The following FRZB variants were observed in gnomAD, a reference collection of about 807,000 sequenced individuals.
FRZB encodes secreted frizzled-related protein 3.
In FRZB, 34 loss-of-function variants were observed where a neutral mutation model predicts 32.5. The ratio of observed to expected loss-of-function variants is 1.05; its 90% CI spans 0.80 to 1.39. The LOEUF is 1.39. FRZB is among the 40% of genes most tolerant of loss of function. FRZB has a pLI of 0.00. For missense variants in FRZB, 423 were observed against 424.8 expected (o/e 1.00, Z 0.04); for synonymous variants, 170 against 159.2 (o/e 1.07, Z -0.51).
At chr2:182,850,835 C>G (rs566319505) in intron 2 of FRZB, among the ~76,000 whole-genome samples, 194 of 152,258 alleles carry the variant, frequency 1.3e-3, no homozygotes, top group Admixed American at 3.7e-3. Flanking sequence ...AATTTACATT[C>G]CCACCAACAG....
chr2:182,838,509 C>T lies in FRZB; in HGVS notation c.697G>A (p.Asp233Asn). 6.2e-7 allele frequency: 1 copy of T among 1,612,888 alleles called. No homozygotes were observed. Among genetic ancestry groups the T allele is most frequent in the East Asian group, 2.2e-5 (1 of 44,854 alleles). The change falls in exon 4 of 6, where the codon GAC (aspartate) becomes AAC (asparagine). Residue 233 changes from aspartate to asparagine, a missense_variant. Physicochemically the swap from Asp to Asn is conservative, Grantham distance 23. Transcript: ENST00000295113. ...GAGCTGGTATAGAGGTTGACAGTGT[C>T]CCGTGGAATGTTTACCAGAGAGGAC... ...LKSSLVNIPRDTVNLYTSSGC... is the reference protein window; with the variant it reads ...LKSSLVNIPRNTVNLYTSSGC...
chr2:182,846,835 G>A (rs1377865232), intron 2 of FRZB, among the ~76,000 whole-genome samples: 1 of 152,124 alleles, frequency 6.6e-6, no homozygotes, highest in African/African-American at 2.4e-5. Flanking sequence ...ATTTTTAACA[G>A]TTCCATAATT....
chr2:182,844,959 C>T (rs1419182179), intron 2 of FRZB, among the ~76,000 whole-genome samples: 1 of 152,068 alleles, frequency 6.6e-6, no homozygotes, highest in East Asian at 1.9e-4. Flanking sequence ...ATGTCCCAAT[C>T]CCTAGCTCTT....
At position 182,837,960 on chromosome 2, in the gene FRZB, A is replaced by G; in HGVS notation, c.849T>C (p.Gly283=). The G allele has an allele frequency of 1.2e-6, 2 of 1,611,832 alleles. No homozygotes were observed. Among genetic ancestry groups the G allele is most frequent in the Non-Finnish European group, 1.7e-6 (2 of 1,178,572 alleles). The change falls in exon 5 of 6, where the codon GGT becomes GGC. Residue 283 remains glycine, a synonymous_variant. Coordinates refer to ENST00000295113, the MANE Select transcript of FRZB (RefSeq NM_001463.4). ...SIAEKWKDRL[G]KKVKRWDMKL... ...AATACAGGCTTACCTTAACTTTTTT[A>G]CCGAGTCGATCCTTCCACTTCTCAG...
At chr2:182,840,913 G>T (rs1695579470) in intron 3 of FRZB, among the ~76,000 whole-genome samples, 3 of 151,914 alleles carry the variant, frequency 2.0e-5, no homozygotes, top group Admixed American at 2.0e-4. Flanking sequence ...TTGATAATAG[G>T]ATACATAAAT....
intron 2 of FRZB, among the ~76,000 whole-genome samples, chr2:182,857,564 C>T (rs1695783538): frequency 6.7e-6 from 1 of 150,224 alleles, no homozygotes; most frequent in Non-Finnish European, 1.5e-5. Flanking sequence ...TTGTGGTGAG[C>T]TGAGATTGCA....
chr2:182,859,104 A>G (rs1203752117), intron 1 of FRZB, among the ~76,000 whole-genome samples: 2 of 152,112 alleles, frequency 1.3e-5, no homozygotes, highest in East Asian at 3.8e-4. Context: ...TTTGAATTTC[A>G]CAAAATTTGT....
Position 182,866,531 on chromosome 2 carries a change from C to G in FRZB, c.22G>C (p.Gly8Arg). Residue 8 changes from glycine (G) to arginine (R), a missense_variant, in exon 1 of 6, where the codon GGG becomes CGG. By Grantham distance (125) the Gly-to-Arg change is moderately radical. Transcript: ENST00000295113. This position sits in a 1 kb window ranked among gnomAD's most constrained non-coding sequence, Gnocchi z 4.5. ...AGCCCGGCCCGCAGCAGCAGCATCC[C>G]TCCCGGGCTGCCGCAGACCATGATC... is the stretch of plus-strand genomic sequence containing the variant. MVCGSPG[G>R]MLLLRAGLLA... The G allele has an allele frequency of 6.8e-7, 1 of 1,469,662 alleles. No individual in the cohort carries two copies. The highest frequency in any genetic ancestry group is 9.0e-7 in the Non-Finnish European group (1 of 1,112,500). The allele number at this position is 1,469,662 out of a possible 1,614,324, so 91.0% of individuals were successfully genotyped here.
At chr2:182,836,088 A>G (rs948656528) in intron 5 of FRZB, among the ~76,000 whole-genome samples, 1 of 152,050 alleles carries the variant, frequency 6.6e-6, no homozygotes, top group African/African-American at 2.4e-5. Flanking sequence ...TTACTCCACA[A>G]TCTTGTCTTC....
chr2:182,836,300 CT>C (rs1559045690), intron 5 of FRZB, among the ~76,000 whole-genome samples: 3 of 152,098 alleles, frequency 2.0e-5, no homozygotes, highest in East Asian at 3.9e-4. Flanking sequence ...CCATAAAACT[CT>C]TTTTACACAT....
chr2:182,853,364 T>C (rs1371239001), intron 2 of FRZB, among the ~76,000 whole-genome samples: 1 of 152,186 alleles, frequency 6.6e-6, no homozygotes, highest in Non-Finnish European at 1.5e-5. Flanking sequence ...TTGGAACAAA[T>C]TGGTAACATA....
chr2:182,856,359 C>CGT lies in FRZB; in HGVS notation c.526+2425_526+2426dup, dbSNP rs200528788. On this transcript the variant is annotated intron_variant, in intron 2 of 5. Transcript: ENST00000295113. ...TGAGGATATATATATATCTCACATA[C>CGT]GTGTGTGTGTGTGAGAGAGAGAGAG... Among the ~76,000 whole-genome samples, 833 of 151,672 alleles carry CGT rather than the reference C, an allele frequency of 5.5e-3. 6 individuals are homozygous for CGT. Among genetic ancestry groups the CGT allele is most frequent in the Non-Finnish European group, 6.0e-3 (404 of 67,834 alleles).
In FRZB at chr2:182,844,316, G is replaced by A. The variant is rs551433943; in HGVS notation, c.527-1773C>T. Among the ~76,000 whole-genome samples the A allele has an allele frequency of 1.9e-4, 29 of 152,200 alleles. No individual in the cohort carries two copies. The South Asian group carries it at 2.3e-3, about 12-fold the overall frequency. On this transcript the variant is annotated intron_variant, in intron 2 of 5. Coordinates refer to ENST00000295113, the MANE Select transcript of FRZB (RefSeq NM_001463.4). ...AACTATTCCAAAAATAACTTTATTAGCAAAATGATTGTATTATCATTTAAA... is the reference window on the plus strand; with the variant it reads ...AACTATTCCAAAAATAACTTTATTAACAAAATGATTGTATTATCATTTAAA...
intron 2 of FRZB, among the ~76,000 whole-genome samples, chr2:182,853,819 G>T (rs1188286131): frequency 6.6e-6 from 1 of 152,096 alleles, no homozygotes; most frequent in Non-Finnish European, 1.5e-5. Flanking sequence ...AAATACTAGA[G>T]GAAAGTGAAA....
chr2:182,855,530 T>C (rs1185966621), intron 2 of FRZB, among the ~76,000 whole-genome samples: 2 of 151,618 alleles, frequency 1.3e-5, no homozygotes, highest in Admixed American at 6.6e-5. Flanking sequence ...TTTCAGAGAG[T>C]AGGAGATTGA....
chr2:182,863,184 G>A (rs538552110), intron 1 of FRZB, among the ~76,000 whole-genome samples: 11 of 152,064 alleles, frequency 7.2e-5, no homozygotes, highest in South Asian at 2.1e-4. Flanking sequence ...AGTTGATGTC[G>A]GGGCAGAGTC....
At chr2:182,859,912 T>C (rs1393857164) in intron 1 of FRZB, among the ~76,000 whole-genome samples, 1 of 152,238 alleles carries the variant, frequency 6.6e-6, no homozygotes, top group African/African-American at 2.4e-5. Context: ...TTTCATTATA[T>C]TCAAACATTT....
chr2:182,863,836 A>G (rs1695860555), intron 1 of FRZB, among the ~76,000 whole-genome samples: 1 of 152,164 alleles, frequency 6.6e-6, no homozygotes, highest in African/African-American at 2.4e-5. Flanking sequence ...GTAATTTTCA[A>G]CAAGCTGGCC....
In FRZB at chr2:182,866,178, C is replaced by T. The variant is rs1311757666; in HGVS notation, c.375G>A (p.Lys125=). ...GGTTCTCCGGCCACGAGTGGCGGTA[C>T]TTGATGAGTATGGGCTCACAGCCCT... ...ARQGCEPILI[K]YRHSWPENLA... The change falls in exon 1 of 6, where the codon AAG becomes AAA. Residue 125 remains lysine, a synonymous_variant. Coordinates refer to ENST00000295113, the MANE Select transcript of FRZB (RefSeq NM_001463.4). This position sits in a 1 kb window ranked among gnomAD's most constrained non-coding sequence, Gnocchi z 4.5. 1.9e-6 allele frequency: 3 copies of T among 1,614,026 alleles called. No homozygotes were observed. Among genetic ancestry groups the T allele is most frequent in the East Asian group, 2.2e-5 (1 of 44,890 alleles).
Sources: gnomAD v4.1 joint callset for allele counts (sites outside exome capture counted in the v4.1 genomes callset) on GRCh38, gnomAD v4.1.1 for gene constraint, Gnocchi (gnomAD v3.1) non-coding constraint, MANE v1.5 for transcripts, NCBI Gene and HGNC (gene_info 2026-07-23, HGNC 2026-07-21) for gene names.